NEFH: variants seen among roughly 807,000 people sequenced by gnomAD.
The protein encoded by NEFH is neurofilament heavy polypeptide.
In NEFH, 58 loss-of-function variants were observed where a neutral mutation model predicts 56.6. The ratio of observed to expected loss-of-function variants is 1.03; its 90% CI spans 0.83 to 1.28. The LOEUF is 1.28. Ranked by LOEUF, NEFH falls within the 50% of genes most tolerant of loss-of-function variation. The pLI is 0.00. For missense variants in NEFH, 1,221 were observed against 1,307.6 expected, an observed-to-expected ratio of 0.93 and a Z score of 1.02; for synonymous variants, 542 against 545.8, an observed-to-expected ratio of 0.99 and a Z score of 0.10.
rs1043713326 is a variant in NEFH at position 29,483,648 on chromosome 22, C to G, written c.1083+74C>G. On this transcript the variant is annotated intron_variant, in intron 2 of 3. Coordinates refer to ENST00000310624, the MANE Select transcript of NEFH (RefSeq NM_021076.4). ...GCCCTGGACAAGTTACTGTCCCTCA[C>G]TGAGTGGGGTTGTAGTGGTTAAGAT... 4 of 1,453,904 alleles carry G rather than the reference C, an allele frequency of 2.8e-6. No homozygotes were observed. In the African/African-American group the frequency reaches 5.6e-5, roughly 20 times the overall value. The allele number at this position is 1,453,904 out of a possible 1,614,324, so 90.1% of individuals were successfully genotyped here. A position where few individuals can be genotyped will look rare whatever the true frequency, so the allele number is the denominator to read the frequency against.
At position 29,483,544 on chromosome 22, in the gene NEFH, C is replaced by T. The variant is rs751956651; in HGVS notation, c.1053C>T (p.Asp351=). Residue 351 remains aspartate (D), a synonymous_variant, in exon 2 of 4, where the codon GAC becomes GAT. Transcript: ENST00000310624. ...AGAGGCAGCGCTCTGAGCTGGAGGA[C>T]CGTCATCAGGCCGACATTGCCTCCT... ...SLERQRSELE[D]RHQADIASYQ... 5 of 1,613,700 alleles carry T rather than the reference C, an allele frequency of 3.1e-6. No homozygotes were observed. The Admixed American group carries it at 5.0e-5, about 16-fold the overall frequency.
intron 2 of NEFH, among the ~76,000 whole-genome samples, chr22:29,484,212 A>G (rs1477707759): frequency 6.6e-6 from 1 of 152,214 alleles, no homozygotes; most frequent in Non-Finnish European, 1.5e-5. Context: ...AAGGTCTTCA[A>G]CATTCGAATC....
chr22:29,488,234 T>C (rs1338223445), intron 3 of NEFH, among the ~76,000 whole-genome samples: 1 of 152,000 alleles, frequency 6.6e-6, no homozygotes, highest in Non-Finnish European at 1.5e-5. Flanking sequence ...CGTGGTGGCG[T>C]GCGCCTGTAC....
chr22:29,490,047 C>A lies in NEFH; in HGVS notation c.2407C>A (p.Leu803Met), dbSNP rs151109578. 6.2e-7 allele frequency: 1 copy of A among 1,612,954 alleles called. No homozygotes were observed. The highest frequency in any genetic ancestry group is 8.5e-7 in the Non-Finnish European group (1 of 1,179,600). Residue 803 changes from leucine to methionine, a missense_variant, in exon 4 of 4, where the codon CTG becomes ATG. Leu to Met is a conservative substitution (Grantham distance 15, BLOSUM62 2). Coordinates refer to ENST00000310624, the MANE Select transcript of NEFH (RefSeq NM_021076.4). ...VKSPEKAKSP[L>M]KEDAKAPEKE... ...GTCCCCAGAGAAGGCGAAATCTCCC[C>A]TGAAGGAGGATGCCAAGGCCCCTGA...
intron 1 of NEFH, among the ~76,000 whole-genome samples, chr22:29,481,522 CTT>C (rs67151568): frequency 6.6e-6 from 1 of 152,156 alleles, no homozygotes; most frequent in Non-Finnish European, 1.5e-5. Flanking sequence ...GCTGGAGACT[CTT>C]AGCCCTTCTA....
rs759409024 is a variant in NEFH at position 29,480,986 on chromosome 22, C to T, written c.724C>T (p.Leu242Phe). Residue 242 changes from leucine (L) to phenylalanine (F), a missense_variant, in exon 1 of 4, where the codon CTC (leucine) becomes TTC (phenylalanine). Around this residue, in one of 4 missense-constraint regions of NEFH, gnomAD observed 640 missense variants for 555.5 expected, o/e 1.15. Transcript: ENST00000310624. Reference protein sequence around the residue: ...RHHQEEVGELLGQIQGSGAAQ... With the variant: ...RHHQEEVGELFGQIQGSGAAQ... ...CCACCAGGAAGAGGTGGGCGAGCTGCTCGGCCAGATCCAGGGCTCCGGCGC... is the reference window on the plus strand; with the variant it reads ...CCACCAGGAAGAGGTGGGCGAGCTGTTCGGCCAGATCCAGGGCTCCGGCGC... 2 of 1,532,138 alleles carry T rather than the reference C, an allele frequency of 1.3e-6. No individual in the cohort carries two copies. The highest frequency in any genetic ancestry group is 2.4e-5 in the South Asian group (2 of 83,856). 94.9% of individuals were successfully genotyped at this position (1,532,138 alleles called of 1,614,324 possible).
rs553218963 is a variant in NEFH, at chr22:29,483,800, A to G, written c.1083+226A>G. On this transcript the variant is annotated intron_variant, in intron 2 of 3. Coordinates refer to ENST00000310624, the MANE Select transcript of NEFH (RefSeq NM_021076.4). ...AAAAAAAAAAAAAAGCCTGCTTTGC[A>G]GAGCTGGAAAGATTAAAGAGATAGA... Among the ~76,000 whole-genome samples, 5 of 147,014 alleles carry G rather than the reference A, an allele frequency of 3.4e-5. No homozygotes were observed. In the East Asian group the frequency reaches 9.9e-4, roughly 29 times the overall value.
In NEFH at chr22:29,490,325, A is replaced by G; in HGVS notation, c.2685A>G (p.Glu895=). ...AATCCAAAGTTGAAGCCAAGAAGGA[A>G]GAGGCTGAAGATAAGAAAAAAGTCC... ...PKESKVEAKK[E]EAEDKKKVPT... Residue 895 remains glutamate, a synonymous_variant, in exon 4 of 4, where the codon GAA becomes GAG. Coordinates refer to ENST00000310624, the MANE Select transcript of NEFH (RefSeq NM_021076.4). 3 of 1,613,266 alleles carry G rather than the reference A, an allele frequency of 1.9e-6. No individual in the cohort carries two copies. The highest frequency in any genetic ancestry group is 2.5e-6 in the Non-Finnish European group (3 of 1,179,686).
At chr22:29,483,002 C>T (rs543664140) in intron 1 of NEFH, among the ~76,000 whole-genome samples, 2 of 152,162 alleles carry the variant, frequency 1.3e-5, no homozygotes, top group Non-Finnish European at 2.9e-5. Flanking sequence ...GGCATTAGGC[C>T]GGGCGTGGTG....
intron 2 of NEFH, 32 bp downstream of exon 2, chr22:29,483,606 C>A: frequency 6.2e-7 from 1 of 1,607,602 alleles, no homozygotes; most frequent in Non-Finnish European, 8.5e-7. Context: ...AGCCAGACTG[C>A]CTTACCTGAT....
chr22:29,488,846 C>T lies in NEFH; in HGVS notation c.1209-3C>T. ...CTAATGTGTTCCGTGATCCATCCTG[C>T]AGAAAACTCCTGGAAGGTGAAGAGT... is the stretch of plus-strand genomic sequence containing the variant. On this transcript the variant is annotated splice_region_variant and splice_polypyrimidine_tract_variant and intron_variant, in intron 3 of 3. Coordinates refer to ENST00000310624, the MANE Select transcript of NEFH (RefSeq NM_021076.4). 6.2e-7 allele frequency: 1 copy of T among 1,614,188 alleles called. No individual in the cohort carries two copies. Among genetic ancestry groups the T allele is most frequent in the Non-Finnish European group, 8.5e-7 (1 of 1,180,006 alleles).
chr22:29,482,327 C>G (rs2063016467), intron 1 of NEFH, among the ~76,000 whole-genome samples: 1 of 152,222 alleles, frequency 6.6e-6, no homozygotes, highest in Non-Finnish European at 1.5e-5. Flanking sequence ...TCCTTCCTCC[C>G]CGCCAAGACT....
chr22:29,484,389 C>T (rs1266745833), intron 2 of NEFH, among the ~76,000 whole-genome samples: 2 of 152,024 alleles, frequency 1.3e-5, no homozygotes, highest in African/African-American at 4.8e-5. Context: ...CCTGTAATCC[C>T]AGCACTTTAG....
chr22:29,485,582 C>CGTAG (rs1294395040), intron 2 of NEFH, 141 bp from the exon 3 acceptor site: 4 of 983,006 alleles, frequency 4.1e-6, no homozygotes, highest in Non-Finnish European at 6.2e-6. Context: ...GAGGACCCTA[C>CGTAG]AGCTCTGGCA....
At chr22:29,487,099 G>A (rs1381666221) in intron 3 of NEFH, among the ~76,000 whole-genome samples, 1 of 152,036 alleles carries the variant, frequency 6.6e-6, no homozygotes, top group African/African-American at 2.4e-5. Context: ...AGGAAGCACA[G>A]GTACCACTGG....
intron 3 of NEFH, 101 bp downstream of exon 3, chr22:29,485,948 T>C (rs2063042139): frequency 3.1e-6 from 4 of 1,302,198 alleles, no homozygotes; most frequent in Non-Finnish European, 4.4e-6. Context: ...CTACCTGTCT[T>C]AGGGACAAAA....
intron 1 of NEFH, 29 bp downstream of exon 1, chr22:29,481,174 G>GGCCCCCCC: frequency 9.5e-7 from 1 of 1,056,338 alleles, no homozygotes; most frequent in Non-Finnish European, 1.4e-6. Context: ...GGGGGGAGGG[G>GGCCCCCCC]CGCCCCTGCT....
Position 29,485,888 on chromosome 22 carries a change from T to G in NEFH, c.1208+41T>G, listed in dbSNP as rs143500523. The G allele has an allele frequency of 8.4e-5, 135 of 1,613,184 alleles. No homozygotes were observed. In the African/African-American group the frequency reaches 1.6e-3, roughly 19 times the overall value. On this transcript the variant is annotated intron_variant, in intron 3 of 3. Transcript: ENST00000310624. ...GCTGTCACATGGTGAAGAAAGCTTG[T>G]GTTCCTGCGAGACGCTAAGCCTTGG...
At chr22:29,488,627 C>G (rs957346344) in intron 3 of NEFH, among the ~76,000 whole-genome samples, 1 of 151,854 alleles carries the variant, frequency 6.6e-6, no homozygotes, top group African/African-American at 2.4e-5. Context: ...ACAACAACAT[C>G]AACAAAAAAA....
Sources: gnomAD v4.1 joint callset for allele counts (sites outside exome capture counted in the v4.1 genomes callset) on GRCh38, gnomAD v4.1.1 for gene constraint, gnomAD v4.1.1 regional missense constraint, MANE v1.5 for transcripts, NCBI Gene and HGNC (gene_info 2026-07-23, HGNC 2026-07-21) for gene names.